Variants in GRM1 observed in about 807,000 individuals in gnomAD.
GRM1 encodes the protein metabotropic glutamate receptor 1.
In GRM1, 33 loss-of-function variants were observed where a neutral mutation model predicts 90.9. The observed-to-expected ratio is 0.36, with a 90% CI of 0.28 to 0.49. The LOEUF is 0.49. GRM1 is among the 20% of genes least tolerant of loss of function. GRM1 has a pLI of 0.99. For synonymous variants in GRM1, 700 were observed against 613.2 expected (o/e 1.14, Z -2.09); for missense variants, 1,190 against 1,534.3 (o/e 0.78, Z 3.75).
chr6:146,277,158 C>A (rs1295834750), intron 2 of GRM1, among the ~76,000 whole-genome samples: 1 of 152,080 alleles, frequency 6.6e-6, no homozygotes, highest in South Asian at 2.1e-4. Context: ...AGTTTCCCAG[C>A]AAGTTTGGTG....
chr6:146,081,070 GA>G (rs1442730072), intron 1 of GRM1, among the ~76,000 whole-genome samples: 1 of 152,176 alleles, frequency 6.6e-6, no homozygotes, highest in Non-Finnish European at 1.5e-5. Flanking sequence ...CCAAGTCCAG[GA>G]AGAATAAGGT....
At chr6:146,379,196 G>T (rs1401630079) in intron 5 of GRM1, among the ~76,000 whole-genome samples, 1 of 151,900 alleles carries the variant, frequency 6.6e-6, no homozygotes, top group African/African-American at 2.4e-5. Context: ...CCATCTTTAA[G>T]GCCTATAATC....
chr6:146,034,487 G>C lies in GRM1; in HGVS notation c.700+4270G>C, dbSNP rs1045762764. On this transcript the variant is annotated intron_variant, in intron 1 of 7. Coordinates refer to ENST00000282753, the MANE Select transcript of GRM1 (RefSeq NM_001278064.2). ...TTATGCTTGAACAGTTATTAATTTT[G>C]TTACTGTTACCATTAGATTCAAGAG... 4.0e-5 allele frequency among the ~76,000 whole-genome samples: 6 copies of C among 151,748 alleles called. 1 individual carries two copies. The South Asian group carries it at 8.3e-4, about 21-fold the overall frequency.
At chr6:146,343,398 C>G (rs78750841) in intron 3 of GRM1, among the ~76,000 whole-genome samples, 1,785 of 152,246 alleles carry the variant, frequency 0.012, 35 homozygotes, top group East Asian at 0.04. Context: ...TATGTTTCAC[C>G]TTGCTGAGAA....
chr6:146,039,736 G>T (rs765383675), intron 1 of GRM1, among the ~76,000 whole-genome samples: 5 of 151,976 alleles, frequency 3.3e-5, no homozygotes, highest in African/African-American at 4.8e-5. Context: ...AGTGTCAATG[G>T]AAAAGGATAG....
intron 7 of GRM1, among the ~76,000 whole-genome samples, chr6:146,414,912 T>C (rs1367810259): frequency 6.6e-6 from 1 of 152,216 alleles, no homozygotes; most frequent in African/African-American, 2.4e-5. Context: ...TCCCAGATCA[T>C]AGAGATATTC....
At position 146,434,917 on chromosome 6, in the gene GRM1, C is replaced by CGCTGCT. The variant is rs1189546091; in HGVS notation, c.*130_*135dup. On this transcript the variant is annotated 3_prime_UTR_variant, in exon 8 of 8. Transcript: ENST00000282753. ...GGGCCTCGTCGGGAGGACAGGAGAC[C>CGCTGCT]GCTGCTGCTGCTGCCGCTACTGCTG... The CGCTGCT allele has an allele frequency of 1.2e-6, 1 of 841,696 alleles. No homozygotes were observed. Among genetic ancestry groups the CGCTGCT allele is most frequent in the Non-Finnish European group, 2.0e-6 (1 of 510,086 alleles). 52.1% of individuals were successfully genotyped at this position (841,696 alleles called of 1,614,324 possible).
chr6:146,316,012 G>A (rs1783952027), intron 3 of GRM1, among the ~76,000 whole-genome samples: 1 of 152,132 alleles, frequency 6.6e-6, no homozygotes, highest in Admixed American at 6.5e-5. Flanking sequence ...CAGACTCAGT[G>A]GCTTGAAGCA....
At chr6:146,105,811 A>G (rs1023157963) in intron 1 of GRM1, among the ~76,000 whole-genome samples, 1 of 152,214 alleles carries the variant, frequency 6.6e-6, no homozygotes, top group South Asian at 2.1e-4. Context: ...GGAGACCTTT[A>G]AGGTAGTTCA....
At chr6:146,240,364 G>A (rs1276621918) in intron 2 of GRM1, among the ~76,000 whole-genome samples, 1 of 151,932 alleles carries the variant, frequency 6.6e-6, no homozygotes, top group African/African-American at 2.4e-5. Context: ...GAGAGGTTAA[G>A]GGAACCACCG....
At chr6:146,369,700 T>A (rs1442696407) in intron 5 of GRM1, among the ~76,000 whole-genome samples, 1 of 151,918 alleles carries the variant, frequency 6.6e-6, no homozygotes, top group Non-Finnish European at 1.5e-5. Context: ...ATAATTTTGA[T>A]TTTTTTTCTG....
At chr6:146,250,982 G>A (rs1311550769) in intron 2 of GRM1, among the ~76,000 whole-genome samples, 4 of 152,110 alleles carry the variant, frequency 2.6e-5, no homozygotes, top group South Asian at 2.1e-4. Flanking sequence ...AAAGAACTTC[G>A]AGGTTTCTGA....
intron 2 of GRM1, among the ~76,000 whole-genome samples, chr6:146,301,310 TA>T (rs1229967487): frequency 1.3e-5 from 2 of 152,218 alleles, no homozygotes; most frequent in African/African-American, 2.4e-5. Context: ...TCCAGACCAC[TA>T]AACCATGTGA....
chr6:146,357,565 C>T lies in GRM1; in HGVS notation c.1473C>T (p.Arg491=). 1 of 1,613,726 alleles carries T rather than the reference C, an allele frequency of 6.2e-7. No homozygotes were observed. The highest frequency in any genetic ancestry group is 1.1e-5 in the South Asian group (1 of 91,082). The stretch of plus-strand genomic sequence containing the variant: ...ATCTGCAGTACACTGAAGCTAATCG[C>T]TATGACTATGTGCACGTTGGAACCT... The part of the protein sequence containing the change: ...IMNLQYTEAN[R]YDYVHVGTWH... The change falls in exon 5 of 8, where the codon CGC becomes CGT. Residue 491 remains arginine, a synonymous_variant. Transcript: ENST00000282753.
intron 3 of GRM1, among the ~76,000 whole-genome samples, chr6:146,308,476 A>C (rs1269904319): frequency 6.6e-6 from 1 of 152,242 alleles, no homozygotes; most frequent in Non-Finnish European, 1.5e-5. Flanking sequence ...CATTTCATAA[A>C]AATTATATAT....
At chr6:146,161,069 A>G (rs887627640) in intron 2 of GRM1, among the ~76,000 whole-genome samples, 1 of 152,194 alleles carries the variant, frequency 6.6e-6, no homozygotes, top group African/African-American at 2.4e-5. Context: ...ACACAGAGTA[A>G]TATATGCACC....
At position 146,043,768 on chromosome 6, in the gene GRM1, GGAAA is replaced by G. The variant is rs1791202695; in HGVS notation, c.700+13554_700+13557del. ...TGTAAAATATCTCAACTCTATTTTT[GGAAA>G]GAGTCAGGTGATATATATATATATA... On this transcript the variant is annotated intron_variant, in intron 1 of 7. Transcript: ENST00000282753. Among the ~76,000 whole-genome samples, 4 of 108,258 alleles carry G rather than the reference GGAAA, an allele frequency of 3.7e-5. No homozygotes were observed. The South Asian group carries it at 1.1e-3, about 29-fold the overall frequency. 71.0% of individuals were successfully genotyped at this position (108,258 alleles called of 152,430 possible).
intron 5 of GRM1, chr6:146,364,888 A>C (rs1484423068): frequency 6.6e-6 from 1 of 152,092 alleles, no homozygotes; most frequent in Non-Finnish European, 1.5e-5. Context: ...TTATCAAACC[A>C]GCTAAGAAAG....
At chr6:146,073,213 A>AG (rs1383637890) in intron 1 of GRM1, among the ~76,000 whole-genome samples, 1 of 152,186 alleles carries the variant, frequency 6.6e-6, no homozygotes, top group Non-Finnish European at 1.5e-5. Context: ...ATGGATCTGT[A>AG]GGGAAGAAGA....
Sources: allele counts gnomAD v4.1 joint callset (sites outside exome capture counted in the v4.1 genomes callset), GRCh38; gene constraint gnomAD v4.1.1; transcripts MANE v1.5; gene names NCBI Gene and HGNC (gene_info 2026-07-23, HGNC 2026-07-21).